The following SLC49A4 variants were observed in gnomAD, a reference collection of about 807,000 sequenced individuals.
SLC49A4 encodes disrupted in renal cancer protein 2.
A neutral mutation model predicts 50.6 loss-of-function variants in SLC49A4; 36 were observed. The ratio of observed to expected loss-of-function variants is 0.71; its 90% CI spans 0.55 to 0.94. The LOEUF (loss-of-function observed/expected upper bound fraction) is 0.94. SLC49A4 is among the 40% of genes least tolerant of loss of function. The probability of loss-of-function intolerance (pLI) is 0.00; values close to 1 mark genes in which losing one functional copy is unlikely to be tolerated. For missense variants in SLC49A4, 503 were observed against 605.7 expected (o/e 0.83, Z 1.78); for synonymous variants, 248 against 241.2 (o/e 1.03, Z -0.26).
intron 8 of SLC49A4, among the ~76,000 whole-genome samples, chr3:122,876,857 G>A (rs1048865120): frequency 2.6e-5 from 4 of 152,164 alleles, no homozygotes; most frequent in Non-Finnish European, 5.9e-5. Flanking sequence ...GAGTAAAGTC[G>A]AGCACCTGTC....
chr3:122,801,600 AAAAG>A (rs1936133920), intron 1 of SLC49A4, among the ~76,000 whole-genome samples: 2 of 152,316 alleles, frequency 1.3e-5, no homozygotes, highest in East Asian at 1.9e-4. Flanking sequence ...CAAAAACAAA[AAAAG>A]AAATTGAGAT....
intron 1 of SLC49A4, among the ~76,000 whole-genome samples, chr3:122,796,730 G>A (rs1410190300): frequency 6.6e-6 from 1 of 152,080 alleles, no homozygotes; most frequent in African/African-American, 2.4e-5. Context: ...ATTTCAAAAT[G>A]TGAATTTGAG....
chr3:122,795,390 C>A lies in SLC49A4; in HGVS notation c.198C>A (p.Gly66=). The A allele has an allele frequency of 6.2e-7, 1 of 1,605,580 alleles. No individual in the cohort carries two copies. Among genetic ancestry groups the A allele is most frequent in the Non-Finnish European group, 8.5e-7 (1 of 1,178,508 alleles). ...TCTCGCTGCTGGCGTTCGTTCAGGG[C>A]CTGGTCTGGAACACCTGGGGTCCCA... ...LLFSLLAFVQ[G]LVWNTWGPIQ... is the part of the protein sequence containing the mutation. The change falls in exon 1 of 9, where the codon GGC becomes GGA. Residue 66 remains glycine, a synonymous_variant. Transcript: ENST00000261038.
intron 2 of SLC49A4, among the ~76,000 whole-genome samples, chr3:122,826,143 G>A (rs529985424): frequency 1.3e-5 from 2 of 152,142 alleles, no homozygotes; most frequent in Admixed American, 1.3e-4. Flanking sequence ...ACAAAGTTAG[G>A]TATTGTTCAG....
intron 5 of SLC49A4, among the ~76,000 whole-genome samples, chr3:122,851,994 T>C (rs1560227659): frequency 3.2e-5 from 3 of 94,604 alleles, no homozygotes; most frequent in African/African-American, 1.3e-4. Context: ...TCTTTGATTC[T>C]TTTTTTTTTT....
At chr3:122,867,481 C>CT (rs1289148676) in intron 7 of SLC49A4, among the ~76,000 whole-genome samples, 1 of 152,124 alleles carries the variant, frequency 6.6e-6, no homozygotes, top group Non-Finnish European at 1.5e-5. Context: ...CCTCAAAGAG[C>CT]TGATAGGATG....
At chr3:122,876,158 A>G (rs1221159343) in intron 8 of SLC49A4, among the ~76,000 whole-genome samples, 1 of 152,242 alleles carries the variant, frequency 6.6e-6, no homozygotes, top group African/African-American at 2.4e-5. Context: ...TAGCACAGTG[A>G]TGCTTTATTC....
chr3:122,807,920 A>G (rs1457240597), intron 2 of SLC49A4, among the ~76,000 whole-genome samples: 3 of 152,182 alleles, frequency 2.0e-5, no homozygotes, highest in Non-Finnish European at 4.4e-5. Flanking sequence ...CTAGTATCAG[A>G]CCTATGTTAT....
At chr3:122,871,072 C>T (rs1283818484) in intron 7 of SLC49A4, among the ~76,000 whole-genome samples, 4 of 152,076 alleles carry the variant, frequency 2.6e-5, no homozygotes, top group Admixed American at 2.0e-4. Context: ...TTTATCATAG[C>T]TATCAGATGC....
chr3:122,805,405 A>G (rs1936203146), intron 1 of SLC49A4, among the ~76,000 whole-genome samples: 1 of 152,192 alleles, frequency 6.6e-6, no homozygotes, highest in South Asian at 2.1e-4. Flanking sequence ...GCTATGTTTG[A>G]TCTGCATAAT....
chr3:122,870,880 C>T lies in SLC49A4; in HGVS notation c.1139-1535C>T, dbSNP rs999743247. On this transcript the variant is annotated intron_variant, in intron 7 of 8. Coordinates refer to ENST00000261038, the MANE Select transcript of SLC49A4 (RefSeq NM_032839.3). Reference sequence around the variant, plus strand: ...TCTAAAGTGTTTTAGAAATACAATACTCTATAGAAGCCACCAGTGATATTC... The same window carrying T: ...TCTAAAGTGTTTTAGAAATACAATATTCTATAGAAGCCACCAGTGATATTC... 1.2e-4 allele frequency among the ~76,000 whole-genome samples: 18 copies of T among 151,506 alleles called. No homozygotes were observed. The East Asian group carries it at 3.5e-3, about 29-fold the overall frequency.
intron 8 of SLC49A4, among the ~76,000 whole-genome samples, chr3:122,877,464 A>G (rs1937279884): frequency 6.6e-6 from 1 of 152,234 alleles, no homozygotes; most frequent in Non-Finnish European, 1.5e-5. Context: ...TACAATTCTA[A>G]TAGTAACGCT....
At chr3:122,848,214 A>G (rs1936882884) in intron 5 of SLC49A4, among the ~76,000 whole-genome samples, 1 of 152,052 alleles carries the variant, frequency 6.6e-6, no homozygotes, top group Non-Finnish European at 1.5e-5. Context: ...TTCCCCATAG[A>G]TATTTGTTAA....
At chr3:122,823,991 G>C (rs1936487707) in intron 2 of SLC49A4, among the ~76,000 whole-genome samples, 1 of 152,176 alleles carries the variant, frequency 6.6e-6, no homozygotes, top group South Asian at 2.1e-4. Flanking sequence ...TAGGATATAA[G>C]TGTCAGAAGG....
At chr3:122,818,781 T>A (rs1334290954) in intron 2 of SLC49A4, among the ~76,000 whole-genome samples, 1 of 151,724 alleles carries the variant, frequency 6.6e-6, no homozygotes, top group East Asian at 1.9e-4. Context: ...CCATCTCTAC[T>A]AAAAATATAA....
Position 122,860,121 on chromosome 3 carries a change from C to T in SLC49A4, c.1057C>T (p.Leu353=). The change falls in exon 7 of 9, where the codon CTG becomes TTG. Residue 353 remains leucine (L), a synonymous_variant. Coordinates refer to ENST00000261038, the MANE Select transcript of SLC49A4 (RefSeq NM_032839.3). ...RGMLKLILLL[L]FSGATLSSTW... ...TATGCTGAAACTAATTCTTCTCCTCCTGTTTTCGGGAGCTACACTGTCATC... is the reference window on the plus strand; with the variant it reads ...TATGCTGAAACTAATTCTTCTCCTCTTGTTTTCGGGAGCTACACTGTCATC... 3 of 1,613,138 alleles carry T rather than the reference C, an allele frequency of 1.9e-6. No individual in the cohort carries two copies. In the East Asian group the frequency reaches 6.7e-5, roughly 36 times the overall value.
intron 1 of SLC49A4, among the ~76,000 whole-genome samples, chr3:122,797,811 A>G (rs187030797): frequency 1.3e-5 from 2 of 152,068 alleles, no homozygotes; most frequent in African/African-American, 2.4e-5. Context: ...TGAAACTCCA[A>G]ATCTACAAAA....
rs769014029 is a variant in SLC49A4, at chr3:122,795,317, C to G, written c.125C>G (p.Pro42Arg). ...AAAAALPAAVPGPGRVYGRRW... is the reference protein window; with the variant it reads ...AAAAALPAAVRGPGRVYGRRW... The stretch of plus-strand genomic sequence containing the variant: ...GCGGCGGCGCTGCCCGCGGCGGTCC[C>G]GGGTCCCGGGCGGGTATACGGGCGC... The change falls in exon 1 of 9, where the codon CCG becomes CGG. Residue 42 changes from proline to arginine, a missense_variant. Transcript: ENST00000261038. 2.7e-5 allele frequency: 40 copies of G among 1,495,002 alleles called. No individual in the cohort carries two copies. Among genetic ancestry groups the G allele is most frequent in the Non-Finnish European group, 3.1e-5 (35 of 1,134,680 alleles). The allele number at this position is 1,495,002 out of a possible 1,614,324, so 92.6% of individuals were successfully genotyped here. A position where few individuals can be genotyped will look rare whatever the true frequency, so the allele number is the denominator to read the frequency against.
At chr3:122,849,605 T>C (rs1560225458) in intron 5 of SLC49A4, among the ~76,000 whole-genome samples, 1 of 152,190 alleles carries the variant, frequency 6.6e-6, no homozygotes, top group Non-Finnish European at 1.5e-5. Context: ...TTTGTATATT[T>C]GTTGGCCATT....
Sources: allele counts gnomAD v4.1 joint callset (sites outside exome capture counted in the v4.1 genomes callset), GRCh38; gene constraint gnomAD v4.1.1; transcripts MANE v1.5; gene names NCBI Gene and HGNC (gene_info 2026-07-23, HGNC 2026-07-21).